The following SRGAP2B variants were observed in gnomAD, a reference collection of about 807,000 sequenced individuals.
The protein encoded by SRGAP2B is SLIT-ROBO Rho GTPase-activating protein 2B.
Under a neutral mutation model 22.2 loss-of-function variants are expected in SRGAP2B, and 9 were observed. The ratio of observed to expected loss-of-function variants is 0.41; its 90% confidence interval spans 0.24 to 0.71. The LOEUF is 0.71. Ranked by LOEUF, SRGAP2B falls within the 30% of genes least tolerant of loss-of-function variation. SRGAP2B has a pLI of 0.35. For missense variants in SRGAP2B, 114 were observed against 235.8 expected (o/e 0.48, Z 3.38); for synonymous variants, 36 against 87.4 (o/e 0.41, Z 3.28).
intron 2 of SRGAP2B, among the ~76,000 whole-genome samples, chr1:145,084,061 TCTTTC>T (rs1553635071): frequency 7.1e-6 from 1 of 140,258 alleles, no homozygotes; most frequent in African/African-American, 2.7e-5. Flanking sequence ...GAGATTTCTT[TCTTTC>T]TTTTCTTTTT....
chr1:144,915,793 T>C (rs1336611192), intron 4 of SRGAP2B, among the ~76,000 whole-genome samples: 3 of 150,816 alleles, frequency 2.0e-5, no homozygotes, highest in Non-Finnish European at 4.4e-5. Flanking sequence ...ACACCTTCTA[T>C]ACTAAGTGTT....
chr1:144,925,512 C>T (rs1553347205), intron 4 of SRGAP2B, among the ~76,000 whole-genome samples: 5 of 142,502 alleles, frequency 3.5e-5, no homozygotes, highest in East Asian at 4.0e-4. Context: ...GGCATGGTGG[C>T]GCATGCCTGT....
In SRGAP2B at chr1:144,955,305, G is replaced by A. The variant is rs587773874; in HGVS notation, c.423+134C>T. 9.1e-4 allele frequency: 415 copies of A among 457,080 alleles called. 16 individuals are homozygous for A. The highest frequency in any genetic ancestry group is 8.4e-3 in the African/African-American group (371 of 44,360). The allele number at this position is 457,080 out of a possible 1,614,324, so 28.3% of individuals were successfully genotyped here. A position where few individuals can be genotyped will look rare whatever the true frequency, so the allele number is the denominator to read the frequency against. On this transcript the variant is annotated intron_variant, in intron 4 of 9. Transcript: ENST00000612199. Reference sequence around the variant, plus strand: ...GGTATATGTGCAAGTTTGTTACATGGGTAAATTGCATGTCATGGGGGTCTG... The same window carrying A: ...GGTATATGTGCAAGTTTGTTACATGAGTAAATTGCATGTCATGGGGGTCTG...
intron 1 of SRGAP2B, among the ~76,000 whole-genome samples, chr1:145,093,960 G>A (rs1654213577): frequency 6.7e-6 from 1 of 149,570 alleles, no homozygotes; most frequent in East Asian, 1.9e-4. Context: ...TGATGGGGGG[G>A]CGGGGCAAAT....
intron 4 of SRGAP2B, among the ~76,000 whole-genome samples, chr1:144,955,124 T>C (rs1459911022): frequency 2.0e-5 from 3 of 150,678 alleles, no homozygotes; most frequent in Non-Finnish European, 4.4e-5. Context: ...CTACTATTAA[T>C]TCAGCTCAGA....
At chr1:145,091,254 A>G (rs1318491131) in intron 2 of SRGAP2B, among the ~76,000 whole-genome samples, 4 of 58,760 alleles carry the variant, frequency 6.8e-5, no homozygotes, top group Non-Finnish European at 8.2e-5. Flanking sequence ...AAAAAAAGAC[A>G]TATCTGGTTA....
At chr1:144,917,306 G>A (rs1362569400) in intron 4 of SRGAP2B, 3 of 37,284 alleles carry the variant, frequency 8.0e-5, no homozygotes, top group Non-Finnish European at 1.5e-4. Context: ...GGCCCAAGGA[G>A]GTGAAGTGAG....
Position 144,966,175 on chromosome 1 carries a change from A to G in SRGAP2B, c.261-10574T>C, listed in dbSNP as rs1342748394. Reference sequence around the variant, plus strand: ...GACACTCCTCGAGAAGAGCAACTCCAAGACACATAATTGTCAGATTCACCA... The same window carrying G: ...GACACTCCTCGAGAAGAGCAACTCCGAGACACATAATTGTCAGATTCACCA... On this transcript the variant is annotated intron_variant, in intron 3 of 9. Coordinates refer to ENST00000612199, the Ensembl canonical transcript of SRGAP2B. Among the ~76,000 whole-genome samples, 640 of 148,956 alleles carry G rather than the reference A, an allele frequency of 4.3e-3. 21 individuals carry two copies. The highest frequency in any genetic ancestry group is 0.035 in the South Asian group (163 of 4,716).
chr1:144,923,383 T>A (rs1664398607), intron 4 of SRGAP2B, among the ~76,000 whole-genome samples: 1 of 150,330 alleles, frequency 6.7e-6, no homozygotes, highest in Non-Finnish European at 1.5e-5. Context: ...AAGCATTTCT[T>A]GAGGTCATTC....
intron 5 of SRGAP2B, among the ~76,000 whole-genome samples, chr1:144,912,110 C>A (rs1289653199): frequency 1.4e-5 from 2 of 146,788 alleles, no homozygotes; most frequent in African/African-American, 2.7e-5. Flanking sequence ...GCCACCATGC[C>A]CAGCTATTTT....
At chr1:145,019,179 CAAAAAAAAAAA>C (rs1169095846) in intron 2 of SRGAP2B, among the ~76,000 whole-genome samples, 18 of 40,648 alleles carry the variant, frequency 4.4e-4, no homozygotes, top group African/African-American at 1.9e-3. Context: ...CTTGTCTCTA[CAAAAAAAAAAA>C]AAAAAAAAAA....
intron 2 of SRGAP2B, among the ~76,000 whole-genome samples, chr1:145,023,467 C>A (rs1449933224): frequency 1.5e-5 from 2 of 137,808 alleles, no homozygotes; most frequent in African/African-American, 2.6e-5. Flanking sequence ...ATCTACCCCC[C>A]ACCTTCCCCT....
At chr1:145,045,100 G>A (rs1396913535) in intron 2 of SRGAP2B, among the ~76,000 whole-genome samples, 3 of 137,624 alleles carry the variant, frequency 2.2e-5, no homozygotes, top group African/African-American at 8.5e-5. Context: ...GGTTAACACG[G>A]TGAAACCCCG....
chr1:144,997,280 A>C (rs1203600115), intron 2 of SRGAP2B, among the ~76,000 whole-genome samples: 1 of 150,692 alleles, frequency 6.6e-6, no homozygotes, highest in African/African-American at 2.5e-5. Flanking sequence ...TACAAAAAAA[A>C]ATTAGCCAGG....
chr1:144,905,324 C>A, intron 6 of SRGAP2B, 105 bp from the exon 7 acceptor site: 1 of 612,350 alleles, frequency 1.6e-6, no homozygotes, highest in Non-Finnish European at 3.0e-6. Flanking sequence ...TGTGTTGCTA[C>A]TCCCTATGCG....
At chr1:145,088,379 A>G (rs1653621661) in intron 2 of SRGAP2B, among the ~76,000 whole-genome samples, 1 of 125,854 alleles carries the variant, frequency 7.9e-6, no homozygotes, top group Non-Finnish European at 1.7e-5. Context: ...TTTTTCTATC[A>G]AAATGCTCCA....
intron 5 of SRGAP2B, among the ~76,000 whole-genome samples, chr1:144,913,081 G>A (rs1231073240): frequency 1.4e-5 from 2 of 146,554 alleles, no homozygotes; most frequent in African/African-American, 5.3e-5. Flanking sequence ...CACAGCTTAC[G>A]CCCTTTCACT....
At chr1:144,958,595 TTGCAGTGAGCTGAGATCATGCCACTGCA>T in intron 3 of SRGAP2B, among the ~76,000 whole-genome samples, 1 of 129,714 alleles carries the variant, frequency 7.7e-6, no homozygotes, top group South Asian at 2.7e-4. Context: ...GAGGCAGAGG[TTGCAGTGAGCTGAGATCATGCCACTGCA>T]CTCCAGCCTG....
chr1:144,931,236 AG>A (rs1448468092), intron 4 of SRGAP2B, among the ~76,000 whole-genome samples: 3 of 150,370 alleles, frequency 2.0e-5, no homozygotes, highest in Non-Finnish European at 2.9e-5. Context: ...CTGCACAAAA[AG>A]CACTTAGTAC....
Sources: allele counts gnomAD v4.1 joint callset (sites outside exome capture counted in the v4.1 genomes callset), GRCh38; gene constraint gnomAD v4.1.1; transcripts MANE v1.5; gene names NCBI Gene and HGNC (gene_info 2026-07-23, HGNC 2026-07-21).